The following GNB4 variants were observed in gnomAD, a reference collection of about 807,000 sequenced individuals.
The protein encoded by GNB4 is guanine nucleotide-binding protein subunit beta-4.
Under a neutral mutation model 45.2 loss-of-function variants are expected in GNB4, and 28 were observed. The ratio of observed to expected loss-of-function variants is 0.62; its 90% CI spans 0.46 to 0.85. GNB4 has a LOEUF of 0.85. Among genes scored for constraint, GNB4 ranks in the 40% least tolerant of loss-of-function variants. The pLI is 0.00. For synonymous variants in GNB4, 132 were observed against 143.7 expected (o/e 0.92, Z 0.58); for missense variants, 321 against 425.4 (o/e 0.75, Z 2.16).
chr3:179,457,369 A>C, the GNB4 span, among the ~76,000 whole-genome samples: 16 of 152,276 alleles, frequency 1.1e-4, no homozygotes, highest in East Asian at 3.1e-3. Flanking sequence ...GCTACATTCC[A>C]CTGGTTTTCC....
intron 8 of GNB4, among the ~76,000 whole-genome samples, chr3:179,412,066 A>G (rs1049066430): frequency 6.6e-6 from 1 of 152,180 alleles, no homozygotes; most frequent in African/African-American, 2.4e-5. Context: ...TAATTTACAG[A>G]TATCTATGAC....
chr3:179,412,485 T>A (rs1301085413), intron 8 of GNB4, among the ~76,000 whole-genome samples: 2 of 151,900 alleles, frequency 1.3e-5, no homozygotes, highest in African/African-American at 4.8e-5. Context: ...CTCTAAATAA[T>A]AATAATAATA....
the GNB4 span, among the ~76,000 whole-genome samples, chr3:179,508,825 T>C: frequency 2.9e-3 from 442 of 151,406 alleles, no homozygotes; most frequent in Non-Finnish European, 5.1e-3. Flanking sequence ...TAGATACTTA[T>C]TGTTAATAGT....
intron 9 of GNB4, among the ~76,000 whole-genome samples, chr3:179,403,964 C>A (rs568112011): frequency 6.6e-6 from 1 of 151,770 alleles, no homozygotes; most frequent in Non-Finnish European, 1.5e-5. Flanking sequence ...GCCCCCACCC[C>A]CAAATGTCCC....
chr3:179,463,831 A>G, the GNB4 span, among the ~76,000 whole-genome samples: 2 of 152,120 alleles, frequency 1.3e-5, no homozygotes, highest in Non-Finnish European at 2.9e-5. Context: ...CTCTTAAATT[A>G]TTGTTACCTC....
the GNB4 span, among the ~76,000 whole-genome samples, chr3:179,523,200 G>A: frequency 1.3e-5 from 2 of 152,086 alleles, no homozygotes; most frequent in African/African-American, 2.4e-5. Flanking sequence ...GAGCACGTGT[G>A]TTTTCATGAA....
At chr3:179,501,852 C>G in the GNB4 span, among the ~76,000 whole-genome samples, 4 of 152,194 alleles carry the variant, frequency 2.6e-5, no homozygotes, top group Non-Finnish European at 4.4e-5. Context: ...CATCTGACCT[C>G]TTCTCGCCAC....
At chr3:179,440,946 G>A (rs1715580004) in intron 1 of GNB4, among the ~76,000 whole-genome samples, 1 of 151,776 alleles carries the variant, frequency 6.6e-6, no homozygotes, top group South Asian at 2.1e-4. Context: ...CTCTTTTCCA[G>A]TCAACATTTT....
At chr3:179,501,692 T>G in the GNB4 span, among the ~76,000 whole-genome samples, 1 of 152,186 alleles carries the variant, frequency 6.6e-6, no homozygotes, top group Non-Finnish European at 1.5e-5. Context: ...TGAACAAAAT[T>G]GAACTCCTGG....
the GNB4 span, among the ~76,000 whole-genome samples, chr3:179,482,860 T>C: frequency 6.6e-6 from 1 of 152,198 alleles, no homozygotes; most frequent in African/African-American, 2.4e-5. Flanking sequence ...AATATGAAGT[T>C]AGCCCTGAGA....
At chr3:179,514,748 A>C in the GNB4 span, among the ~76,000 whole-genome samples, 1 of 152,170 alleles carries the variant, frequency 6.6e-6, no homozygotes, top group Non-Finnish European at 1.5e-5. Flanking sequence ...GCTTCACCAG[A>C]AACCAACCCT....
At chr3:179,438,725 A>G (rs954746980) in intron 1 of GNB4, among the ~76,000 whole-genome samples, 3 of 152,244 alleles carry the variant, frequency 2.0e-5, no homozygotes, top group Admixed American at 6.5e-5. Context: ...GGAGAGGACT[A>G]AAACAATCCA....
chr3:179,446,343 C>T (rs1294217464), intron 1 of GNB4, among the ~76,000 whole-genome samples: 1 of 152,174 alleles, frequency 6.6e-6, no homozygotes, highest in Non-Finnish European at 1.5e-5. Context: ...GAAATTATTA[C>T]TACAGTTGAG....
At chr3:179,527,233 C>T in the GNB4 span, among the ~76,000 whole-genome samples, 2 of 152,146 alleles carry the variant, frequency 1.3e-5, no homozygotes, top group Non-Finnish European at 2.9e-5. Context: ...AAGACGTTCT[C>T]TCTCAATTTG....
chr3:179,406,264 T>G (rs1408155311), intron 8 of GNB4, among the ~76,000 whole-genome samples: 1 of 152,224 alleles, frequency 6.6e-6, no homozygotes, highest in Non-Finnish European at 1.5e-5. Flanking sequence ...GCATACAACA[T>G]TATAGTTCAG....
At chr3:179,401,416 C>G (rs1163818448) in intron 9 of GNB4, 97 bp from the exon 10 acceptor site, 1 of 536,190 alleles carries the variant, frequency 1.9e-6, no homozygotes, top group Non-Finnish European at 3.2e-6. Context: ...AACTATCAGT[C>G]CAGTTTTCTT....
intron 1 of GNB4, among the ~76,000 whole-genome samples, chr3:179,445,599 A>T (rs528805496): frequency 6.6e-6 from 1 of 152,308 alleles, no homozygotes; most frequent in African/African-American, 2.4e-5. Flanking sequence ...ACTTTTGCAT[A>T]ATAGGTAAGA....
chr3:179,475,665 G>C, the GNB4 span, among the ~76,000 whole-genome samples: 1 of 150,768 alleles, frequency 6.6e-6, no homozygotes, highest in African/African-American at 2.4e-5. Context: ...GTAAAGACAG[G>C]GTTTCACCAT....
At chr3:179,442,808 T>A (rs1007986853) in intron 1 of GNB4, among the ~76,000 whole-genome samples, 6 of 151,478 alleles carry the variant, frequency 4.0e-5, no homozygotes, top group Non-Finnish European at 7.4e-5. Flanking sequence ...AAAAAAAAAA[T>A]TTTAGAGGTG....
Sources: allele counts gnomAD v4.1 joint callset (sites outside exome capture counted in the v4.1 genomes callset), GRCh38; gene constraint gnomAD v4.1.1; transcripts MANE v1.5; gene names NCBI Gene and HGNC (gene_info 2026-07-23, HGNC 2026-07-21).